PIBF1: variants seen among roughly 807,000 people sequenced by gnomAD.
PIBF1 encodes progesterone-induced-blocking factor 1.
PIBF1 carries 90 observed loss-of-function variants against 112.5 expected under a neutral mutation model. The observed-to-expected ratio is 0.80, with a 90% CI of 0.67 to 0.95. PIBF1 has a LOEUF of 0.95. PIBF1 is among the 40% of genes least tolerant of loss of function. PIBF1 has a pLI of 0.00. For synonymous variants in PIBF1, 301 were observed against 288.6 expected (o/e 1.04, Z -0.44); for missense variants, 915 against 852.3 (o/e 1.07, Z -0.92).
intron 9 of PIBF1, among the ~76,000 whole-genome samples, chr13:72,845,419 G>C (rs1258103336): frequency 6.6e-6 from 1 of 152,154 alleles, no homozygotes; most frequent in Non-Finnish European, 1.5e-5. Flanking sequence ...CCATGCCTTT[G>C]CTACTATAAA....
chr13:72,931,065 A>G, intron 13 of PIBF1, 100 bp from the exon 14 acceptor site: 1 of 688,066 alleles, frequency 1.5e-6, no homozygotes, highest in Non-Finnish European at 2.5e-6. Context: ...TTTAAGTATA[A>G]TTAGGAAATG....
chr13:72,869,072 T>C (rs936939824), intron 10 of PIBF1, among the ~76,000 whole-genome samples: 2 of 152,034 alleles, frequency 1.3e-5, no homozygotes, highest in Non-Finnish European at 2.9e-5. Context: ...TCCTCAGGGA[T>C]CTAGAAGTAG....
intron 16 of PIBF1, among the ~76,000 whole-genome samples, chr13:72,985,731 C>A (rs1248170264): frequency 1.3e-5 from 2 of 152,248 alleles, no homozygotes; most frequent in East Asian, 3.9e-4. Context: ...GGAGAAGGTA[C>A]AGGCACTGGA....
chr13:72,910,703 A>G (rs537243295), intron 12 of PIBF1, among the ~76,000 whole-genome samples: 2 of 152,320 alleles, frequency 1.3e-5, no homozygotes, highest in African/African-American at 4.8e-5. Context: ...GTAAGAATCT[A>G]TTTTCAGATT....
intron 3 of PIBF1, among the ~76,000 whole-genome samples, chr13:72,793,890 T>C (rs1310862162): frequency 6.6e-6 from 1 of 152,186 alleles, no homozygotes; most frequent in Non-Finnish European, 1.5e-5. Flanking sequence ...AGTTGGAGTT[T>C]TCTAGTTAGA....
At chr13:72,950,642 TTTG>T (rs1439364852) in intron 14 of PIBF1, among the ~76,000 whole-genome samples, 36 of 152,318 alleles carry the variant, frequency 2.4e-4, no homozygotes, top group African/African-American at 7.9e-4. Flanking sequence ...AGTAATAATG[TTTG>T]TTAAGTGTTA....
chr13:72,920,785 G>A (rs9573065), intron 13 of PIBF1, among the ~76,000 whole-genome samples: 2 of 151,320 alleles, frequency 1.3e-5, no homozygotes, highest in African/African-American at 4.9e-5. Context: ...GCAACATAGA[G>A]AGACTCCCAT....
chr13:72,962,379 T>A (rs1346018243), intron 14 of PIBF1, among the ~76,000 whole-genome samples: 2 of 152,108 alleles, frequency 1.3e-5, no homozygotes, highest in African/African-American at 4.8e-5. Flanking sequence ...GAAGAATTGC[T>A]TGAGCTCAGG....
intron 16 of PIBF1, among the ~76,000 whole-genome samples, chr13:72,992,607 A>G (rs1236801385): frequency 6.6e-6 from 1 of 152,204 alleles, no homozygotes; most frequent in Non-Finnish European, 1.5e-5. Flanking sequence ...CAGCCTGCGC[A>G]ACATGGTGAA....
chr13:72,833,984 T>C (rs2037238181), intron 8 of PIBF1, among the ~76,000 whole-genome samples: 1 of 152,212 alleles, frequency 6.6e-6, no homozygotes, highest in African/African-American at 2.4e-5. Context: ...ATCAAAAGCC[T>C]ATTTCTTTTA....
intron 10 of PIBF1, among the ~76,000 whole-genome samples, chr13:72,868,810 C>T (rs184664998): frequency 7.2e-6 from 1 of 139,056 alleles, no homozygotes; most frequent in Admixed American, 7.6e-5. Context: ...ATAGTGAGAC[C>T]CCAGCTCTCC....
At chr13:72,882,060 A>C (rs528516774) in intron 10 of PIBF1, among the ~76,000 whole-genome samples, 139 of 152,278 alleles carry the variant, frequency 9.1e-4, no homozygotes, top group African/African-American at 3.2e-3. Context: ...TATAGTAACC[A>C]AAACAGCATG....
chr13:72,841,666 A>G (rs1269175210), intron 9 of PIBF1, among the ~76,000 whole-genome samples: 5 of 152,046 alleles, frequency 3.3e-5, no homozygotes, highest in Admixed American at 6.6e-5. Flanking sequence ...CCTATTAAGG[A>G]GGCTGAGGTG....
At chr13:72,848,700 C>T (rs1364567733) in intron 9 of PIBF1, among the ~76,000 whole-genome samples, 3 of 151,948 alleles carry the variant, frequency 2.0e-5, no homozygotes, top group South Asian at 2.1e-4. Context: ...GGCATGGTGG[C>T]GGGTGCCTGT....
At chr13:72,976,431 T>C (rs2043024533) in intron 16 of PIBF1, among the ~76,000 whole-genome samples, 1 of 152,212 alleles carries the variant, frequency 6.6e-6, no homozygotes, top group Non-Finnish European at 1.5e-5. Flanking sequence ...CTACATGTTA[T>C]TACTGGTATT....
chr13:72,834,190 C>T (rs540974959), intron 8 of PIBF1, among the ~76,000 whole-genome samples: 47 of 152,222 alleles, frequency 3.1e-4, no homozygotes, highest in Non-Finnish European at 6.5e-4. Flanking sequence ...GAGATGGTAT[C>T]GCATTGTGTT....
intron 7 of PIBF1, 45 bp from the exon 8 acceptor site, chr13:72,827,688 A>G: frequency 2.7e-6 from 3 of 1,104,888 alleles, no homozygotes; most frequent in Non-Finnish European, 3.7e-6. Context: ...CTTGAAAAGT[A>G]AGATGGCATC....
intron 9 of PIBF1, among the ~76,000 whole-genome samples, chr13:72,835,590 C>CTTT (rs56270240): frequency 1.3e-5 from 2 of 151,076 alleles, no homozygotes. Flanking sequence ...CCTGTTATGT[C>CTTT]TTTTTTTTTT....
intron 11 of PIBF1, among the ~76,000 whole-genome samples, chr13:72,894,944 G>T (rs908411607): frequency 6.6e-6 from 1 of 151,642 alleles, no homozygotes; most frequent in South Asian, 2.1e-4. Flanking sequence ...GGCCAACATG[G>T]TGAAACCTCG....
Sources: gnomAD v4.1 joint callset for allele counts (sites outside exome capture counted in the v4.1 genomes callset) on GRCh38, gnomAD v4.1.1 for gene constraint, MANE v1.5 for transcripts, NCBI Gene and HGNC (gene_info 2026-07-23, HGNC 2026-07-21) for gene names.